Variants in CRISP1 observed in about 807,000 individuals in gnomAD.
The protein encoded by CRISP1 is cysteine rich secretory protein 1.
Under a neutral mutation model 33.1 loss-of-function variants are expected in CRISP1, and 44 were observed. That is an observed-to-expected ratio of 1.33 (90% CI 1.05 to 1.71). CRISP1 has a LOEUF of 1.71. Among genes scored for constraint, CRISP1 ranks in the 40% most tolerant of loss-of-function variants. The probability of loss-of-function intolerance (pLI) is 0.00; values close to 1 mark genes in which losing one functional copy is unlikely to be tolerated. For synonymous variants in CRISP1, 103 were observed against 98.7 expected (o/e 1.04, Z -0.26); for missense variants, 390 against 301.2 (o/e 1.29, Z -2.18).
chr6:49,852,530 A>T lies in CRISP1; in HGVS notation c.67-401T>A, dbSNP rs762574490. Reference sequence around the variant, plus strand: ...GCAACAACTGTACTCTCTGCTTCCCAAATAAACTACTTCCACTTGAACCCT... The same window carrying T: ...GCAACAACTGTACTCTCTGCTTCCCTAATAAACTACTTCCACTTGAACCCT... On this transcript the variant is annotated intron_variant, in intron 2 of 7. Transcript: ENST00000335847. 3.3e-5 allele frequency among the ~76,000 whole-genome samples: 5 copies of T among 152,178 alleles called. 1 individual carries two copies. Among genetic ancestry groups the T allele is most frequent in the South Asian group, 4.1e-4 (2 of 4,832 alleles).
rs1398871983 is a variant in CRISP1, at chr6:49,835,152, A to T, written c.*164T>A. The T allele has an allele frequency of 9.3e-6, 6 of 641,714 alleles. No individual in the cohort carries two copies. Among genetic ancestry groups the T allele is most frequent in the Non-Finnish European group, 1.5e-5 (6 of 396,600 alleles). The allele number at this position is 641,714 out of a possible 1,614,324, so 39.8% of individuals were successfully genotyped here. A position where few individuals can be genotyped will look rare whatever the true frequency, so the allele number is the denominator to read the frequency against. On this transcript the variant is annotated 3_prime_UTR_variant, in exon 8 of 8. Coordinates refer to ENST00000335847, the MANE Select transcript of CRISP1 (RefSeq NM_001131.3). Reference sequence around the variant, plus strand: ...TTTACTCCAGCACTAAGAAAGTTTAAAACAGTGTTACTTCAGGATGTATCA... The same window carrying T: ...TTTACTCCAGCACTAAGAAAGTTTATAACAGTGTTACTTCAGGATGTATCA...
intron 2 of CRISP1, 97 bp from the exon 3 acceptor site, chr6:49,852,226 T>C (rs1771370186): frequency 7.4e-6 from 8 of 1,076,550 alleles, no homozygotes; most frequent in Middle Eastern, 3.0e-4. Context: ...TTATAGTTTA[T>C]ATTAAACAGT....
At chr6:49,847,967 G>A (rs1490830536) in intron 4 of CRISP1, among the ~76,000 whole-genome samples, 1 of 152,034 alleles carries the variant, frequency 6.6e-6, no homozygotes, top group African/African-American at 2.4e-5. Context: ...CATTTCTCCT[G>A]ATGGTCAGAA....
At chr6:49,846,411 T>A in intron 5 of CRISP1, 109 bp downstream of exon 5, 1 of 1,155,556 alleles carries the variant, frequency 8.7e-7, no homozygotes, top group Non-Finnish European at 1.2e-6. Context: ...GTAAATTGAG[T>A]AAAGATTGCC....
At position 49,835,242 on chromosome 6, in the gene CRISP1, T is replaced by G. The variant is rs1770746825; in HGVS notation, c.*74A>C. 8 of 1,516,168 alleles carry G rather than the reference T, an allele frequency of 5.3e-6. No individual in the cohort carries two copies. Among genetic ancestry groups the G allele is most frequent in the Non-Finnish European group, 7.2e-6 (8 of 1,114,576 alleles). 93.9% of individuals were successfully genotyped at this position (1,516,168 alleles called of 1,614,324 possible). ...AAATTTAGCAGAAGCTACTGAACTA[T>G]AGCAAAAGACATGAATCCAACAGAC... On this transcript the variant is annotated 3_prime_UTR_variant, in exon 8 of 8. Coordinates refer to ENST00000335847, the MANE Select transcript of CRISP1 (RefSeq NM_001131.3).
intron 1 of CRISP1, among the ~76,000 whole-genome samples, chr6:49,862,804 G>T (rs1336144661): frequency 2.9e-5 from 4 of 138,466 alleles, no homozygotes; most frequent in Non-Finnish European, 3.1e-5. Context: ...CCTTCTCAGA[G>T]AAAAGAAGCT....
chr6:49,862,749 G>A, intron 1 of CRISP1, among the ~76,000 whole-genome samples: 1 of 151,554 alleles, frequency 6.6e-6, no homozygotes, highest in Non-Finnish European at 1.5e-5. Context: ...CCATGCTTTG[G>A]CTTGAGGTCA....
intron 5 of CRISP1, among the ~76,000 whole-genome samples, 156 bp from the exon 6 acceptor site, chr6:49,841,151 C>T (rs899170350): frequency 6.6e-5 from 10 of 152,124 alleles, no homozygotes; most frequent in African/African-American, 2.4e-4. Flanking sequence ...AGGACTCCCA[C>T]GTGTCTGGAT....
chr6:49,859,230 C>T (rs1297106533), intron 1 of CRISP1, among the ~76,000 whole-genome samples: 1 of 151,998 alleles, frequency 6.6e-6, no homozygotes, highest in Non-Finnish European at 1.5e-5. Context: ...TAGGCAGCTA[C>T]AGAAGCGTCC....
At chr6:49,858,988 T>A (rs1771570905) in intron 1 of CRISP1, among the ~76,000 whole-genome samples, 1 of 152,068 alleles carries the variant, frequency 6.6e-6, no homozygotes, top group Non-Finnish European at 1.5e-5. Context: ...GTCTGCTCAG[T>A]TGGGACTGAC....
At position 49,835,245 on chromosome 6, in the gene CRISP1, C is replaced by T; in HGVS notation, c.*71G>A. 6.5e-7 allele frequency: 1 copy of T among 1,529,010 alleles called. No homozygotes were observed. The highest frequency in any genetic ancestry group is 2.3e-5 in the East Asian group (1 of 43,302). The allele number at this position is 1,529,010 out of a possible 1,614,324, so 94.7% of individuals were successfully genotyped here. A position where few individuals can be genotyped will look rare whatever the true frequency, so the allele number is the denominator to read the frequency against. ...TTTAGCAGAAGCTACTGAACTATAG[C>T]AAAAGACATGAATCCAACAGACATC... On this transcript the variant is annotated 3_prime_UTR_variant, in exon 8 of 8. Transcript: ENST00000335847.
At chr6:49,855,153 C>A (rs546525739) in intron 2 of CRISP1, among the ~76,000 whole-genome samples, 1 of 152,072 alleles carries the variant, frequency 6.6e-6, no homozygotes, top group Admixed American at 6.6e-5. Flanking sequence ...CTTCTTTCAC[C>A]TGGACTGATT....
At chr6:49,856,626 T>C (rs1040101083) in intron 2 of CRISP1, among the ~76,000 whole-genome samples, 3 of 152,162 alleles carry the variant, frequency 2.0e-5, no homozygotes, top group African/African-American at 7.2e-5. Flanking sequence ...CTTCTCTACC[T>C]GGCCTACGAA....
chr6:49,843,297 T>G (rs891382589), intron 5 of CRISP1, among the ~76,000 whole-genome samples: 3 of 152,236 alleles, frequency 2.0e-5, no homozygotes, highest in Non-Finnish European at 2.9e-5. Flanking sequence ...TGTATCAATC[T>G]TAAAAGAAAA....
intron 1 of CRISP1, among the ~76,000 whole-genome samples, chr6:49,873,862 C>T (rs946964763): frequency 6.6e-6 from 1 of 151,988 alleles, no homozygotes; most frequent in African/African-American, 2.4e-5. Context: ...TTCAGTGAAT[C>T]AGAACCATAA....
chr6:49,871,383 A>C (rs1771919308), upstream of CRISP1, among the ~76,000 whole-genome samples: 1 of 152,176 alleles, frequency 6.6e-6, no homozygotes, highest in Non-Finnish European at 1.5e-5. Flanking sequence ...TGGTCACTCT[A>C]CAGGGAAGTA....
At chr6:49,867,242 C>A (rs2080856161), upstream of CRISP1, among the ~76,000 whole-genome samples, 1 of 151,998 alleles carries the variant, frequency 6.6e-6, no homozygotes, top group South Asian at 2.1e-4. Flanking sequence ...ACAGAAATCA[C>A]ATATGAGAAT....
At chr6:49,852,626 A>T (rs1439658716) in intron 2 of CRISP1, among the ~76,000 whole-genome samples, 1 of 152,182 alleles carries the variant, frequency 6.6e-6, no homozygotes, top group Middle Eastern at 3.2e-3. Context: ...TGCAAGTGTT[A>T]TTAACACAAA....
intron 3 of CRISP1, among the ~76,000 whole-genome samples, chr6:49,850,263 TA>T (rs1561944106): frequency 2.0e-5 from 3 of 151,838 alleles, no homozygotes; most frequent in South Asian, 4.2e-4. Flanking sequence ...TAAAATAAAA[TA>T]AAAAAAGAAA....
Sources: gnomAD v4.1 joint callset for allele counts (sites outside exome capture counted in the v4.1 genomes callset) on GRCh38, gnomAD v4.1.1 for gene constraint, MANE v1.5 for transcripts, NCBI Gene and HGNC (gene_info 2026-07-23, HGNC 2026-07-21) for gene names.